The following GRID1 variants were observed in gnomAD, a reference collection of about 807,000 sequenced individuals.
GRID1 encodes glutamate ionotropic receptor delta type subunit 1.
Under a neutral mutation model 98.0 loss-of-function variants are expected in GRID1, and 28 were observed. The ratio of observed to expected loss-of-function variants is 0.29; its 90% CI spans 0.21 to 0.39. GRID1 has a LOEUF of 0.39. Among genes scored for constraint, GRID1 ranks in the 10% least tolerant of loss-of-function variants. GRID1 has a pLI of 1.00. For synonymous variants in GRID1, 553 were observed against 538.5 expected (o/e 1.03, Z -0.37); for missense variants, 1,111 against 1,340.5 (o/e 0.83, Z 2.67).
intron 4 of GRID1, among the ~76,000 whole-genome samples, chr10:86,061,270 A>AG (rs1158628845): frequency 6.6e-6 from 1 of 152,102 alleles, no homozygotes; most frequent in Non-Finnish European, 1.5e-5. Context: ...AACAACTCCC[A>AG]GCTCCCACTA....
At chr10:85,761,710 G>C (rs1446667023) in intron 8 of GRID1, among the ~76,000 whole-genome samples, 1 of 152,158 alleles carries the variant, frequency 6.6e-6, no homozygotes, top group African/African-American at 2.4e-5. Flanking sequence ...TGGGTCCCCA[G>C]TTGGTCAGCA....
At chr10:85,648,425 C>T (rs1327467556) in intron 12 of GRID1, among the ~76,000 whole-genome samples, 1 of 152,160 alleles carries the variant, frequency 6.6e-6, no homozygotes, top group African/African-American at 2.4e-5. Context: ...CCTCTCTCTC[C>T]AGGTTCCAAC....
intron 2 of GRID1, among the ~76,000 whole-genome samples, chr10:86,288,985 GC>G (rs1255628434): frequency 1.3e-5 from 2 of 152,150 alleles, no homozygotes; most frequent in Non-Finnish European, 2.9e-5. Flanking sequence ...GTCTGTCCAG[GC>G]TTCTATGTGA....
intron 3 of GRID1, among the ~76,000 whole-genome samples, chr10:86,149,720 G>T (rs528138577): frequency 1.1e-4 from 16 of 152,354 alleles, no homozygotes; most frequent in Admixed American, 9.1e-4. Flanking sequence ...TAATTATCAA[G>T]ATTTGCATTT....
chr10:86,328,529 T>A (rs567029244), intron 2 of GRID1, among the ~76,000 whole-genome samples: 2 of 152,354 alleles, frequency 1.3e-5, no homozygotes, highest in African/African-American at 4.8e-5. Context: ...TGGCAGCATT[T>A]ATCTTGCCAG....
intron 2 of GRID1, among the ~76,000 whole-genome samples, chr10:86,275,651 G>A (rs1243510466): frequency 6.6e-6 from 1 of 151,882 alleles, no homozygotes; most frequent in East Asian, 2.0e-4. Flanking sequence ...AAATTCATTA[G>A]GGGGTTAAAG....
At chr10:85,641,994 G>A (rs961588571) in intron 13 of GRID1, among the ~76,000 whole-genome samples, 1 of 152,218 alleles carries the variant, frequency 6.6e-6, no homozygotes, top group Non-Finnish European at 1.5e-5. Context: ...AGAGTTAGAG[G>A]ATATGCTCCC....
At chr10:85,750,506 A>G (rs1842036319) in intron 8 of GRID1, among the ~76,000 whole-genome samples, 1 of 152,256 alleles carries the variant, frequency 6.6e-6, no homozygotes, top group South Asian at 2.1e-4. Flanking sequence ...GCTAGCAAGC[A>G]TGGAAATATG....
At chr10:86,112,556 G>A (rs1271608048) in intron 4 of GRID1, among the ~76,000 whole-genome samples, 1 of 148,466 alleles carries the variant, frequency 6.7e-6, no homozygotes, top group Non-Finnish European at 1.5e-5. Context: ...GCAAGTGAAG[G>A]ATGAAAGCAA....
chr10:85,735,989 G>A (rs1371090349), intron 8 of GRID1, among the ~76,000 whole-genome samples: 2 of 139,632 alleles, frequency 1.4e-5, no homozygotes, highest in Non-Finnish European at 3.1e-5. Flanking sequence ...GAGAAAGGGA[G>A]GGAGGGAGCA....
At chr10:86,212,676 T>C (rs1349929742) in intron 2 of GRID1, among the ~76,000 whole-genome samples, 1 of 152,186 alleles carries the variant, frequency 6.6e-6, no homozygotes, top group African/African-American at 2.4e-5. Flanking sequence ...CCACCCTCAT[T>C]ATCTGTACTC....
intron 2 of GRID1, among the ~76,000 whole-genome samples, chr10:86,286,794 G>A (rs1031717124): frequency 3.0e-4 from 45 of 152,310 alleles, no homozygotes; most frequent in South Asian, 4.1e-4. Context: ...CGCTCTGGGC[G>A]CCGGCAGGGT....
At chr10:86,273,763 T>G (rs1376650939) in intron 2 of GRID1, among the ~76,000 whole-genome samples, 4 of 152,160 alleles carry the variant, frequency 2.6e-5, no homozygotes, top group Admixed American at 6.5e-5. Context: ...TGGGGTTGTT[T>G]GTTTTTTCTT....
At chr10:85,749,579 G>C (rs1842027316) in intron 8 of GRID1, among the ~76,000 whole-genome samples, 2 of 152,130 alleles carry the variant, frequency 1.3e-5, no homozygotes, top group South Asian at 4.2e-4. Flanking sequence ...TGTTCCCTTG[G>C]CACCCATTTA....
chr10:85,604,234 G>A (rs561823568), intron 15 of GRID1, among the ~76,000 whole-genome samples: 16 of 152,288 alleles, frequency 1.1e-4, no homozygotes, highest in African/African-American at 3.4e-4. Flanking sequence ...TTCATGGTTG[G>A]CACACATGGT....
chr10:85,957,398 T>A (rs1237721141), intron 4 of GRID1, among the ~76,000 whole-genome samples: 8 of 152,234 alleles, frequency 5.3e-5, no homozygotes, highest in African/African-American at 1.7e-4. Context: ...CTCAAATTTT[T>A]AGAGCCCCAC....
chr10:85,961,580 C>A (rs1036735862), intron 4 of GRID1, among the ~76,000 whole-genome samples: 1 of 151,390 alleles, frequency 6.6e-6, no homozygotes, highest in African/African-American at 2.4e-5. Flanking sequence ...TCCTTCCTTC[C>A]TTTTTACCTT....
chr10:86,093,892 A>G (rs1468948970), intron 4 of GRID1, among the ~76,000 whole-genome samples: 1 of 152,200 alleles, frequency 6.6e-6, no homozygotes, highest in Non-Finnish European at 1.5e-5. Context: ...GGACGTAACC[A>G]AAAAAGAAAA....
intron 8 of GRID1, among the ~76,000 whole-genome samples, chr10:85,847,846 A>T (rs1294913686): frequency 6.6e-6 from 1 of 152,206 alleles, no homozygotes; most frequent in African/African-American, 2.4e-5. Context: ...TAATTATTTG[A>T]CCACATATAT....
Sources: gnomAD v4.1 joint callset for allele counts (sites outside exome capture counted in the v4.1 genomes callset) on GRCh38, gnomAD v4.1.1 for gene constraint, MANE v1.5 for transcripts, NCBI Gene and HGNC (gene_info 2026-07-23, HGNC 2026-07-21) for gene names.